The following CTNNA3 variants were observed in gnomAD, a reference collection of about 807,000 sequenced individuals.
CTNNA3 encodes catenin alpha-3.
Under a neutral mutation model 95.7 loss-of-function variants are expected in CTNNA3, and 76 were observed. That is an observed-to-expected ratio of 0.79 (90% CI 0.66 to 0.96). CTNNA3 has a LOEUF of 0.96. Ranked by LOEUF, CTNNA3 falls within the 40% of genes least tolerant of loss-of-function variation. The pLI is 0.00. For synonymous variants in CTNNA3, 431 were observed against 374.4 expected (o/e 1.15, Z -1.74); for missense variants, 1,191 against 1,089.8 (o/e 1.09, Z -1.31).
intron 11 of CTNNA3, among the ~76,000 whole-genome samples, chr10:66,481,119 A>C (rs1839507887): frequency 6.6e-6 from 1 of 152,160 alleles, no homozygotes; most frequent in Non-Finnish European, 1.5e-5. Context: ...TTATATGTAT[A>C]AATTGGTAGG....
chr10:67,259,285 T>C (rs1438368443), intron 5 of CTNNA3, among the ~76,000 whole-genome samples: 1 of 152,220 alleles, frequency 6.6e-6, no homozygotes, highest in Admixed American at 6.5e-5. Context: ...CTCTTAGTTG[T>C]CTCTCCATAT....
intron 10 of CTNNA3, among the ~76,000 whole-genome samples, chr10:66,567,759 T>C (rs1247509017): frequency 6.6e-6 from 1 of 152,212 alleles, no homozygotes; most frequent in East Asian, 1.9e-4. Context: ...TTTCAGGTCA[T>C]TGCCACTCAA....
chr10:66,767,462 A>AAAT, intron 8 of CTNNA3, among the ~76,000 whole-genome samples: 1 of 151,582 alleles, frequency 6.6e-6, no homozygotes, highest in East Asian at 1.9e-4. Flanking sequence ...CCGACAAAAA[A>AAAT]AAAAAAATCA....
Position 67,353,090 on chromosome 10 carries a change from C to T in CTNNA3, c.580-133220G>A, listed in dbSNP as rs190346872. Among the ~76,000 whole-genome samples the T allele has an allele frequency of 7.2e-5, 11 of 152,086 alleles. No homozygotes were observed. The East Asian group carries it at 1.5e-3, about 21-fold the overall frequency. On this transcript the variant is annotated intron_variant, in intron 5 of 17. Transcript: ENST00000433211. ...AAGATCTGGGCTCAGATCCTGCTTC[C>T]GCCACTTACTAGCTCTGTAGCTTTA...
At chr10:67,689,261 C>T (rs1179723322) in intron 1 of CTNNA3, among the ~76,000 whole-genome samples, 1 of 152,118 alleles carries the variant, frequency 6.6e-6, no homozygotes, top group Non-Finnish European at 1.5e-5. Context: ...TCCGAAGCTC[C>T]CCATATCCTA....
chr10:67,534,314 G>A (rs1440670287), intron 4 of CTNNA3, among the ~76,000 whole-genome samples: 2 of 152,034 alleles, frequency 1.3e-5, no homozygotes, highest in African/African-American at 2.4e-5. Context: ...TCTTAGGAAG[G>A]GCACTACCTA....
chr10:66,846,990 T>A (rs916765407), intron 7 of CTNNA3, among the ~76,000 whole-genome samples: 6 of 152,332 alleles, frequency 3.9e-5, no homozygotes, highest in Admixed American at 3.3e-4. Context: ...TTACAGCAGC[T>A]TTTGACTTTG....
At chr10:66,545,628 C>T (rs1842012394) in intron 10 of CTNNA3, among the ~76,000 whole-genome samples, 1 of 151,996 alleles carries the variant, frequency 6.6e-6, no homozygotes, top group Non-Finnish European at 1.5e-5. Flanking sequence ...TCTAAGGTGT[C>T]CATACTGATG....
At chr10:67,455,146 A>C (rs1847125463) in intron 5 of CTNNA3, among the ~76,000 whole-genome samples, 1 of 152,142 alleles carries the variant, frequency 6.6e-6, no homozygotes, top group African/African-American at 2.4e-5. Flanking sequence ...GCATGGCATC[A>C]ATTTTAACAT....
intron 12 of CTNNA3, among the ~76,000 whole-genome samples, chr10:66,367,489 T>C (rs1350128842): frequency 6.7e-6 from 1 of 149,766 alleles, no homozygotes; most frequent in Non-Finnish European, 1.5e-5. Context: ...TATATTTATA[T>C]ATAATATTGT....
At chr10:67,393,576 C>A (rs1013107551) in intron 5 of CTNNA3, among the ~76,000 whole-genome samples, 1 of 152,108 alleles carries the variant, frequency 6.6e-6, no homozygotes, top group Admixed American at 6.6e-5. Context: ...AGGTGATATA[C>A]TAGCAAACTT....
chr10:66,804,794 G>T (rs1841575125), intron 7 of CTNNA3, among the ~76,000 whole-genome samples: 1 of 152,090 alleles, frequency 6.6e-6, no homozygotes, highest in Admixed American at 6.6e-5. Context: ...CTCCTGTTTA[G>T]AAAAGAGTTA....
intron 7 of CTNNA3, among the ~76,000 whole-genome samples, chr10:66,829,300 G>A (rs865791304): frequency 5.3e-5 from 8 of 152,176 alleles, no homozygotes; most frequent in Middle Eastern, 6.8e-3. Context: ...TGTAATATGC[G>A]AATACATTAA....
chr10:66,686,065 C>T (rs1243322810), intron 9 of CTNNA3, among the ~76,000 whole-genome samples: 1 of 152,154 alleles, frequency 6.6e-6, no homozygotes, highest in East Asian at 1.9e-4. Context: ...CAAGAACCAA[C>T]TCAAACTAGC....
chr10:67,642,279 T>G (rs1321674114), intron 2 of CTNNA3, among the ~76,000 whole-genome samples: 3 of 152,004 alleles, frequency 2.0e-5, no homozygotes, highest in Non-Finnish European at 2.9e-5. Flanking sequence ...ATTTTTGCAA[T>G]CTATTCATCT....
chr10:67,591,074 A>G (rs1842775836), intron 3 of CTNNA3, among the ~76,000 whole-genome samples: 1 of 152,088 alleles, frequency 6.6e-6, no homozygotes, highest in Non-Finnish European at 1.5e-5. Flanking sequence ...TTTTGTCTAT[A>G]GTTATGAGAA....
At chr10:67,674,913 C>A (rs1248027255) in intron 1 of CTNNA3, among the ~76,000 whole-genome samples, 1 of 150,556 alleles carries the variant, frequency 6.6e-6, no homozygotes, top group Non-Finnish European at 1.5e-5. Context: ...TCTAGGATAC[C>A]TTCCCTTGAA....
At chr10:67,041,811 C>T (rs1050624224) in intron 7 of CTNNA3, among the ~76,000 whole-genome samples, 1 of 151,996 alleles carries the variant, frequency 6.6e-6, no homozygotes, top group Non-Finnish European at 1.5e-5. Context: ...GAAAGAATGA[C>T]AATAAAGTGC....
At chr10:66,196,258 G>T (rs907127032) in intron 13 of CTNNA3, among the ~76,000 whole-genome samples, 3 of 152,170 alleles carry the variant, frequency 2.0e-5, no homozygotes, top group Middle Eastern at 3.4e-3. Flanking sequence ...AGAAAAGTAG[G>T]AATCCAAGCT....
Sources: allele counts gnomAD v4.1 joint callset (sites outside exome capture counted in the v4.1 genomes callset), GRCh38; gene constraint gnomAD v4.1.1; transcripts MANE v1.5; gene names NCBI Gene and HGNC (gene_info 2026-07-23, HGNC 2026-07-21).